The following WWOX variants were observed in gnomAD, a reference collection of about 807,000 sequenced individuals.
WWOX encodes WW domain containing oxidoreductase.
A neutral mutation model predicts 46.2 loss-of-function variants in WWOX; 69 were observed. The observed-to-expected ratio is 1.49, with a 90% CI of 1.23 to 1.82. The LOEUF (loss-of-function observed/expected upper bound fraction) is 1.82. Among genes scored for constraint, WWOX ranks in the 40% most tolerant of loss-of-function variants. The pLI is 0.00. For missense variants in WWOX, 919 were observed against 542.6 expected, an observed-to-expected ratio of 1.69 and a Z score of -6.89; for synonymous variants, 359 against 202.6, an observed-to-expected ratio of 1.77 and a Z score of -6.56.
At chr16:78,603,891 C>T (rs1043392455) in intron 8 of WWOX, among the ~76,000 whole-genome samples, 29 of 152,010 alleles carry the variant, frequency 1.9e-4, no homozygotes, top group African/African-American at 7.0e-4. Context: ...CCTGTAATCC[C>T]AGCACTTCAG....
chr16:78,126,248 A>G (rs1346463800), intron 4 of WWOX, among the ~76,000 whole-genome samples: 2 of 152,100 alleles, frequency 1.3e-5, no homozygotes, highest in African/African-American at 4.8e-5. Flanking sequence ...TGACTCTTCT[A>G]TAGTTTTATT....
rs61305602 is a variant in WWOX at position 78,671,861 on chromosome 16, A to C, written c.1056+239109A>C. Among the ~76,000 whole-genome samples the C allele has an allele frequency of 2.1e-3, 324 of 152,026 alleles. 1 individual carries two copies. Among genetic ancestry groups the C allele is most frequent in the African/African-American group, 7.4e-3 (308 of 41,546 alleles). ...AGAAAAATACATGTCAATTAAATGG[A>C]TTTACATCTTAAAAAGTGGTGAGGT... On this transcript the variant is annotated intron_variant, in intron 8 of 8. Coordinates refer to ENST00000566780, the MANE Select transcript of WWOX (RefSeq NM_016373.4).
chr16:78,715,960 G>A (rs1233554487), intron 8 of WWOX, among the ~76,000 whole-genome samples: 2 of 151,996 alleles, frequency 1.3e-5, no homozygotes, highest in Admixed American at 6.6e-5. Context: ...TAACCTAAAT[G>A]TCCACCACCA....
chr16:78,471,115 G>A (rs2084210544), intron 8 of WWOX, among the ~76,000 whole-genome samples: 1 of 152,156 alleles, frequency 6.6e-6, no homozygotes, highest in African/African-American at 2.4e-5. Context: ...TTGCTTCTAG[G>A]ACTGAACAGG....
chr16:79,077,986 T>C (rs1430913235), intron 8 of WWOX: 1 of 152,130 alleles, frequency 6.6e-6, no homozygotes, highest in East Asian at 1.9e-4. Context: ...GCTCCTCTTG[T>C]GGCTACCTTG....
At chr16:78,598,605 G>A (rs931895397) in intron 8 of WWOX, among the ~76,000 whole-genome samples, 3 of 152,164 alleles carry the variant, frequency 2.0e-5, no homozygotes, top group Non-Finnish European at 2.9e-5. Context: ...TCCTGGCTTG[G>A]TGTGTTTTGT....
At chr16:79,026,150 G>C (rs552516526) in intron 8 of WWOX, among the ~76,000 whole-genome samples, 1 of 151,412 alleles carries the variant, frequency 6.6e-6, no homozygotes, top group Non-Finnish European at 1.5e-5. Flanking sequence ...CCTTCCACTC[G>C]CTTCTTTAAG....
At chr16:78,431,047 G>T (rs1394869337) in intron 7 of WWOX, among the ~76,000 whole-genome samples, 1 of 152,140 alleles carries the variant, frequency 6.6e-6, no homozygotes, top group Admixed American at 6.6e-5. Flanking sequence ...GAATATGAGG[G>T]GTCCTTTGAC....
chr16:78,583,005 C>G (rs1230371146), intron 8 of WWOX, among the ~76,000 whole-genome samples: 2 of 152,188 alleles, frequency 1.3e-5, no homozygotes, highest in Admixed American at 6.5e-5. Flanking sequence ...TCTTCTTAAG[C>G]TCAACTTCAT....
At chr16:78,649,840 G>A (rs1314198368) in intron 8 of WWOX, among the ~76,000 whole-genome samples, 11 of 152,188 alleles carry the variant, frequency 7.2e-5, no homozygotes, top group Non-Finnish European at 4.4e-5. Flanking sequence ...TGGGCATACA[G>A]AGGAATTAAA....
intron 8 of WWOX, among the ~76,000 whole-genome samples, chr16:78,705,194 C>T (rs1318137596): frequency 6.6e-6 from 1 of 152,164 alleles, no homozygotes; most frequent in East Asian, 1.9e-4. Context: ...CATTTGCATT[C>T]AGTCTGACGG....
At chr16:78,507,252 T>G (rs2085231500) in intron 8 of WWOX, among the ~76,000 whole-genome samples, 2 of 152,140 alleles carry the variant, frequency 1.3e-5, no homozygotes, top group South Asian at 4.1e-4. Context: ...TAAACGTAAA[T>G]AAGAATTTTT....
chr16:79,164,907 A>G (rs4888931), intron 8 of WWOX, among the ~76,000 whole-genome samples: 89,487 of 151,878 alleles, frequency 0.59, 27,617 homozygotes, highest in East Asian at 0.89. Context: ...CACACACCAC[A>G]GAGAAGAGGC....
chr16:78,398,368 C>G lies in WWOX; in HGVS notation c.605+11420C>G, dbSNP rs149677473. On this transcript the variant is annotated intron_variant, in intron 6 of 8. Transcript: ENST00000566780. ...CTCTGAGCCTTTGCTTGTGTGGCTC[C>G]TCTCCCACTTGTCCATCATCATGTC... 3.1e-3 allele frequency among the ~76,000 whole-genome samples: 479 copies of G among 152,266 alleles called. 1 individual carries two copies. The highest frequency in any genetic ancestry group is 9.6e-3 in the African/African-American group (397 of 41,538).
chr16:78,893,266 A>G (rs956633523), intron 8 of WWOX, among the ~76,000 whole-genome samples: 3 of 151,954 alleles, frequency 2.0e-5, no homozygotes, highest in African/African-American at 4.8e-5. Flanking sequence ...CTTCTTTTTT[A>G]TCTGCCAACC....
intron 8 of WWOX, among the ~76,000 whole-genome samples, chr16:78,765,354 A>C (rs942136021): frequency 3.3e-5 from 5 of 152,226 alleles, no homozygotes; most frequent in Non-Finnish European, 7.3e-5. Flanking sequence ...CTCTGACTTC[A>C]GGAAGCAGGT....
At chr16:78,322,327 C>G (rs1343040939) in intron 5 of WWOX, among the ~76,000 whole-genome samples, 2 of 152,058 alleles carry the variant, frequency 1.3e-5, no homozygotes, top group Non-Finnish European at 2.9e-5. Flanking sequence ...ACTTTGACTC[C>G]CTTTGTAATG....
At chr16:79,115,442 A>C (rs955910868) in intron 8 of WWOX, among the ~76,000 whole-genome samples, 1 of 52,224 alleles carries the variant, frequency 1.9e-5, no homozygotes, top group Non-Finnish European at 3.3e-5. Flanking sequence ...CCAGGACCCA[A>C]AACCCACAGG....
intron 8 of WWOX, among the ~76,000 whole-genome samples, chr16:78,724,637 G>A (rs2048780653): frequency 2.0e-5 from 3 of 152,128 alleles, no homozygotes; most frequent in Admixed American, 2.0e-4. Context: ...CCCAGAGCTG[G>A]GAAAACATTT....
Sources: gnomAD v4.1 joint callset for allele counts (sites outside exome capture counted in the v4.1 genomes callset) on GRCh38, gnomAD v4.1.1 for gene constraint, MANE v1.5 for transcripts, NCBI Gene and HGNC (gene_info 2026-07-23, HGNC 2026-07-21) for gene names.